The following ENTPD7 variants were observed in gnomAD, a reference collection of about 807,000 sequenced individuals.
ENTPD7 encodes ectonucleoside triphosphate diphosphohydrolase 7, also known as NTPDase 7.
ENTPD7 carries 53 observed loss-of-function variants against 77.9 expected under a neutral mutation model. That is an observed-to-expected ratio of 0.68 (90% CI 0.55 to 0.85). The LOEUF (loss-of-function observed/expected upper bound fraction) is 0.85, where lower values mean the gene tolerates loss of function less well. Ranked by LOEUF, ENTPD7 falls within the 40% of genes least tolerant of loss-of-function variation. The pLI, the probability that ENTPD7 is intolerant of heterozygous loss-of-function variation, is 0.00. For missense variants in ENTPD7, 636 were observed against 743.7 expected (o/e 0.86, Z 1.68); for synonymous variants, 248 against 274.9 (o/e 0.90, Z 0.97).
At chr10:99,697,860 A>ACAGATCTTC (rs1359653923) in intron 9 of ENTPD7, 1 of 153,056 alleles carries the variant, frequency 6.5e-6, no homozygotes, top group Non-Finnish European at 1.5e-5. Context: ...CTGTCCTTGG[A>ACAGATCTTC]CAGATCTTCA....
intron 2 of ENTPD7, among the ~76,000 whole-genome samples, chr10:99,660,827 G>T (rs2035474875): frequency 6.6e-6 from 1 of 151,832 alleles, no homozygotes. Flanking sequence ...GAGGCTGAGG[G>T]AGAAGAATCG....
chr10:99,696,222 T>C, intron 9 of ENTPD7, 100 bp downstream of exon 9: 1 of 1,403,778 alleles, frequency 7.1e-7, no homozygotes, highest in Non-Finnish European at 9.6e-7. Flanking sequence ...AGTCCCTGCT[T>C]CCTCCTTCTT....
rs1195847902 is a variant in ENTPD7, at chr10:99,659,964, G to A, written c.8G>A (p.Arg3Lys). ...GACCACCGAAGGGAACCCATGGCTA[G>A]GTAAGGCTGCACACTTTCCCTCCGG... is the stretch of plus-strand genomic sequence containing the variant. Reference protein sequence around the residue: MARISFSYLCPAS... With the variant: MAKISFSYLCPAS... Residue 3 changes from arginine (R) to lysine (K), a missense_variant and splice_region_variant, in exon 2 of 13, where the codon AGG becomes AAG. Physicochemically the swap from Arg to Lys is conservative, Grantham distance 26. Around this residue, in one of 3 missense-constraint regions of ENTPD7, gnomAD observed 486 missense variants for 556.5 expected, o/e 0.87. Coordinates refer to ENST00000370489, the MANE Select transcript of ENTPD7 (RefSeq NM_020354.5). The surrounding 1 kb of genome is among the most constrained non-coding windows in gnomAD (Gnocchi z 4.1). 3.1e-6 allele frequency: 5 copies of A among 1,613,862 alleles called. No homozygotes were observed. Among genetic ancestry groups the A allele is most frequent in the Non-Finnish European group, 4.2e-6 (5 of 1,180,002 alleles).
intron 5 of ENTPD7, among the ~76,000 whole-genome samples, chr10:99,681,676 C>T (rs1368979756): frequency 6.6e-6 from 1 of 152,226 alleles, no homozygotes; most frequent in African/African-American, 2.4e-5. Flanking sequence ...TTTCCAATTT[C>T]TCCACAGCCC....
At chr10:99,660,026 G>A (rs1420999043) in intron 2 of ENTPD7, 62 bp downstream of exon 2, 3 of 1,612,252 alleles carry the variant, frequency 1.9e-6, no homozygotes, top group Admixed American at 1.7e-5. Flanking sequence ...CAGGTTGGGG[G>A]GCCCTGGGAG....
At chr10:99,691,256 T>A in intron 7 of ENTPD7, 129 bp from the exon 8 acceptor site, 3 of 969,568 alleles carry the variant, frequency 3.1e-6, no homozygotes, top group South Asian at 3.7e-5. Context: ...CCTCCCAGTG[T>A]TTTGGGATTA....
At position 99,663,996 on chromosome 10, in the gene ENTPD7, T is replaced by A. The variant is rs1395215369; in HGVS notation, c.191+2368T>A. The stretch of plus-strand genomic sequence containing the variant: ...TTTCTCTCTGTGTTTCATTCGTATA[T>A]TTTTTTGCTGCTTTCAAATTTGTTA... On this transcript the variant is annotated intron_variant, in intron 3 of 12. Coordinates refer to ENST00000370489, the MANE Select transcript of ENTPD7 (RefSeq NM_020354.5). Among the ~76,000 whole-genome samples, 5 of 152,154 alleles carry A rather than the reference T, an allele frequency of 3.3e-5. No individual in the cohort carries two copies. In the East Asian group the frequency reaches 9.6e-4, roughly 29 times the overall value.
chr10:99,701,151 T>C (rs1298793741), intron 11 of ENTPD7, 93 bp downstream of exon 11: 1 of 1,118,530 alleles, frequency 8.9e-7, no homozygotes, highest in Non-Finnish European at 1.3e-6. Context: ...TTAGATTTCA[T>C]GTTGAGGGAG....
In ENTPD7 at chr10:99,685,951, C is replaced by T. The variant is rs10218972; in HGVS notation, c.652+56C>T. On this transcript the variant is annotated intron_variant, in intron 6 of 12. Coordinates refer to ENST00000370489, the MANE Select transcript of ENTPD7 (RefSeq NM_020354.5). Reference sequence around the variant, plus strand: ...ACCTCTAAGCCAACCATGGCACAGCCTCTCTAACGGGTGTTTAGAATTATT... The same window carrying T: ...ACCTCTAAGCCAACCATGGCACAGCTTCTCTAACGGGTGTTTAGAATTATT... 956 of 1,121,220 alleles carry T rather than the reference C, an allele frequency of 8.5e-4. 5 individuals are homozygous for T. The African/African-American group carries it at 0.011, about 13-fold the overall frequency. The allele number at this position is 1,121,220 out of a possible 1,614,324, so 69.5% of individuals were successfully genotyped here.
At position 99,704,755 on chromosome 10, in the gene ENTPD7, T is replaced by C; in HGVS notation, c.*72T>C. 1 of 1,322,882 alleles carries C rather than the reference T, an allele frequency of 7.6e-7. No individual in the cohort carries two copies. 81.9% of individuals were successfully genotyped at this position (1,322,882 alleles called of 1,614,324 possible). On this transcript the variant is annotated 3_prime_UTR_variant, in exon 13 of 13. Coordinates refer to ENST00000370489, the MANE Select transcript of ENTPD7 (RefSeq NM_020354.5). The stretch of plus-strand genomic sequence containing the variant: ...CATTGAATTCCTCCACTTTCTTATA[T>C]AGCCTCAGATGCTGTGATGTCTGAC...
At chr10:99,698,368 T>C (rs189591407) in intron 9 of ENTPD7, among the ~76,000 whole-genome samples, 166 bp from the exon 10 acceptor site, 1 of 152,302 alleles carries the variant, frequency 6.6e-6, no homozygotes, top group East Asian at 1.9e-4. Context: ...AAATTTAACT[T>C]GCTGAAGTTA....
rs542405620 is a variant in ENTPD7 at position 99,668,421 on chromosome 10, A to C, written c.191+6793A>C. On this transcript the variant is annotated intron_variant, in intron 3 of 12. Transcript: ENST00000370489. ...GAGGTATTGTGAGGTAAGGGAAAGAATGTTAATATTAGAGTTAATCAGCCC... is the reference window on the plus strand; with the variant it reads ...GAGGTATTGTGAGGTAAGGGAAAGACTGTTAATATTAGAGTTAATCAGCCC... 2.0e-4 allele frequency among the ~76,000 whole-genome samples: 31 copies of C among 152,286 alleles called. No homozygotes were observed. The East Asian group carries it at 6.0e-3, about 29-fold the overall frequency.
chr10:99,686,916 CTTTT>C (rs11325544), intron 6 of ENTPD7, among the ~76,000 whole-genome samples: 2 of 98,078 alleles, frequency 2.0e-5, no homozygotes, highest in Admixed American at 1.0e-4. Flanking sequence ...GGCTGTGAAT[CTTTT>C]TTTTTTTTTT....
At chr10:99,661,329 A>G (rs2035483579) in intron 2 of ENTPD7, 117 bp from the exon 3 acceptor site, 2 of 788,284 alleles carry the variant, frequency 2.5e-6, no homozygotes, top group East Asian at 2.8e-5. Context: ...GAACATTTAG[A>G]CTTCTGTTGG....
At chr10:99,695,219 G>A (rs1264848196) in intron 8 of ENTPD7, among the ~76,000 whole-genome samples, 1 of 152,012 alleles carries the variant, frequency 6.6e-6, no homozygotes, top group African/African-American at 2.4e-5. Context: ...AGGGCTTCTT[G>A]GATAATGTTA....
At chr10:99,671,792 G>A (rs886987336) in intron 3 of ENTPD7, among the ~76,000 whole-genome samples, 7 of 152,212 alleles carry the variant, frequency 4.6e-5, no homozygotes, top group African/African-American at 1.7e-4. Context: ...TCTGAAGAAT[G>A]TCTTTTGTAG....
chr10:99,700,871 T>C, intron 10 of ENTPD7, 102 bp from the exon 11 acceptor site: 1 of 901,340 alleles, frequency 1.1e-6, no homozygotes, highest in Non-Finnish European at 1.8e-6. Context: ...TGTCAGCTGG[T>C]AGCCCACAAG....
chr10:99,680,681 G>C (rs1355170715), intron 5 of ENTPD7, among the ~76,000 whole-genome samples: 1 of 151,868 alleles, frequency 6.6e-6, no homozygotes, highest in African/African-American at 2.4e-5. Flanking sequence ...CTGCCCCCCA[G>C]GCCCAAGTGA....
chr10:99,679,725 G>A lies in ENTPD7; in HGVS notation c.398G>A (p.Gly133Glu). 1 of 1,604,386 alleles carries A rather than the reference G, an allele frequency of 6.2e-7. No homozygotes were observed. The highest frequency in any genetic ancestry group is 8.5e-7 in the Non-Finnish European group (1 of 1,177,302). The part of the protein sequence containing the change: ...SQPVVKKIKP[G>E]ISAMADTPEH... ...GTCTGTTTGTTTGTTTTAACTTAAG[G>A]AATCTCTGCAATGGCAGACACTCCA... Residue 133 changes from glycine to glutamate, a missense_variant and splice_region_variant, in exon 5 of 13, where the codon GGA (glycine) becomes GAA (glutamate). By Grantham distance (98) the Gly-to-Glu change is moderately conservative (BLOSUM62 -2). Around this residue, in one of 3 missense-constraint regions of ENTPD7, gnomAD observed 486 missense variants for 556.5 expected, o/e 0.87. Coordinates refer to ENST00000370489, the MANE Select transcript of ENTPD7 (RefSeq NM_020354.5).
Sources: gnomAD v4.1 joint callset for allele counts (sites outside exome capture counted in the v4.1 genomes callset) on GRCh38, gnomAD v4.1.1 for gene constraint, gnomAD v4.1.1 regional missense constraint, Gnocchi (gnomAD v3.1) non-coding constraint, MANE v1.5 for transcripts, NCBI Gene and HGNC (gene_info 2026-07-23, HGNC 2026-07-21) for gene names.